The following TUSC3 variants were observed in gnomAD, a reference collection of about 807,000 sequenced individuals.
TUSC3 encodes tumor suppressor candidate 3, also known as dolichyl-diphosphooligosaccharide--protein glycosyltransferase subunit TUSC3.
In TUSC3, 45 loss-of-function variants were observed where a neutral mutation model predicts 44.8. That is an observed-to-expected ratio of 1.00 (90% CI 0.79 to 1.29). TUSC3 has a LOEUF of 1.29. Ranked by LOEUF, TUSC3 falls within the 50% of genes most tolerant of loss-of-function variation. TUSC3 has a pLI of 0.00. For synonymous variants in TUSC3, 212 were observed against 152.9 expected, an observed-to-expected ratio of 1.39 and a Z score of -2.85; for missense variants, 519 against 437.9, an observed-to-expected ratio of 1.19 and a Z score of -1.65.
At chr8:15,581,867 C>T (rs1458578643) in intron 1 of TUSC3, among the ~76,000 whole-genome samples, 4 of 127,200 alleles carry the variant, frequency 3.1e-5, no homozygotes, top group Admixed American at 3.0e-4. Context: ...TTCCCGTTTA[C>T]CTAATCAAGC....
chr8:15,670,458 T>C (rs987113222), intron 5 of TUSC3, among the ~76,000 whole-genome samples: 4 of 151,846 alleles, frequency 2.6e-5, no homozygotes, highest in African/African-American at 9.7e-5. Context: ...GTATGGCATT[T>C]TTGATAAATA....
At chr8:15,748,892 G>A (rs1192776491) in intron 9 of TUSC3, 6 of 383,274 alleles carry the variant, frequency 1.6e-5, no homozygotes, top group Non-Finnish European at 2.5e-5. Context: ...CAACATGAAA[G>A]GGAAAAGTTA....
intron 6 of TUSC3, among the ~76,000 whole-genome samples, chr8:15,679,288 A>G (rs1808313921): frequency 6.6e-6 from 1 of 151,852 alleles, no homozygotes; most frequent in Non-Finnish European, 1.5e-5. Context: ...ACTTTTCTGT[A>G]ATAGCCGTTC....
chr8:15,638,584 C>T (rs981438737), intron 2 of TUSC3, among the ~76,000 whole-genome samples: 4 of 128,012 alleles, frequency 3.1e-5, no homozygotes, highest in African/African-American at 1.2e-4. Context: ...AGTGCAGTGG[C>T]ATGATCTCTG....
At chr8:15,497,738 CT>C (rs57896247) in intron 2 of TUSC3, among the ~76,000 whole-genome samples, 102,663 of 149,554 alleles carry the variant, frequency 0.69, 38,180 homozygotes, top group Non-Finnish European at 0.82. Flanking sequence ...GTTTCTTCTT[CT>C]TTTTTTTTTC....
At chr8:15,808,069 C>T in the TUSC3 span, among the ~76,000 whole-genome samples, 1 of 152,062 alleles carries the variant, frequency 6.6e-6, no homozygotes, top group African/African-American at 2.4e-5. Flanking sequence ...TTTAAAGCAT[C>T]CTACATATAC....
intron 3 of TUSC3, among the ~76,000 whole-genome samples, chr8:15,657,195 C>G (rs1807213674): frequency 6.6e-6 from 1 of 152,190 alleles, no homozygotes; most frequent in Non-Finnish European, 1.5e-5. Context: ...CTCTCCTGAA[C>G]ATGTTTTTTA....
rs111312956 is a variant in TUSC3 at position 15,716,240 on chromosome 8, A to C, written c.799-14426A>C. On this transcript the variant is annotated intron_variant, in intron 6 of 10. Coordinates refer to ENST00000503731, the MANE Select transcript of TUSC3 (RefSeq NM_006765.4). ...CACTGCACTCCAGCCTGGGCGACAG[A>C]GTGAGACTCTTTCTCCAGAAGAAAA... 3.5e-4 allele frequency among the ~76,000 whole-genome samples: 53 copies of C among 152,230 alleles called. No homozygotes were observed. In the East Asian group the frequency reaches 3.9e-3, roughly 11 times the overall value.
chr8:15,423,894 G>C (rs1799769085), intron 1 of TUSC3, among the ~76,000 whole-genome samples: 1 of 150,384 alleles, frequency 6.6e-6, no homozygotes, highest in African/African-American at 2.4e-5. Flanking sequence ...CCCCTGTTGT[G>C]TGGGGCTTAT....
At chr8:15,535,435 C>G (rs1801507878), upstream of TUSC3, among the ~76,000 whole-genome samples, 1 of 152,156 alleles carries the variant, frequency 6.6e-6, no homozygotes, top group Admixed American at 6.5e-5. Flanking sequence ...ACTCATTCAA[C>G]AAGTGCTGTA....
chr8:15,453,891 C>T (rs55989819), intron 1 of TUSC3, among the ~76,000 whole-genome samples: 17,887 of 152,076 alleles, frequency 0.12, 1,147 homozygotes, highest in Middle Eastern at 0.19. Flanking sequence ...GATAGAAACA[C>T]CTGAAACTGG....
intron 5 of TUSC3, among the ~76,000 whole-genome samples, chr8:15,672,210 T>TGG (rs1563165110): frequency 6.6e-6 from 1 of 152,022 alleles, no homozygotes; most frequent in East Asian, 1.9e-4. Context: ...GAGCAAATTG[T>TGG]GGGGGGATTT....
At chr8:15,613,261 G>A (rs141460477) in intron 1 of TUSC3, among the ~76,000 whole-genome samples, 1 of 151,274 alleles carries the variant, frequency 6.6e-6, no homozygotes, top group Non-Finnish European at 1.5e-5. Flanking sequence ...ATTTAGCACA[G>A]TGCTTTTCTT....
rs116798504 is a variant in TUSC3 at position 15,625,681 on chromosome 8, G to C, written c.308+2432G>C. Among the ~76,000 whole-genome samples, 124 of 152,306 alleles carry C rather than the reference G, an allele frequency of 8.1e-4. 1 individual carries two copies. Among genetic ancestry groups the C allele is most frequent in the African/African-American group, 2.8e-3 (117 of 41,570 alleles). On this transcript the variant is annotated intron_variant, in intron 2 of 10. Coordinates refer to ENST00000503731, the MANE Select transcript of TUSC3 (RefSeq NM_006765.4). Reference sequence around the variant, plus strand: ...ATTTTGAGCTGTAGTGGAGACTGAAGTTATTAGTAACTTGGGTCAATGTAA... The same window carrying C: ...ATTTTGAGCTGTAGTGGAGACTGAACTTATTAGTAACTTGGGTCAATGTAA...
intron 6 of TUSC3, among the ~76,000 whole-genome samples, chr8:15,683,098 A>G (rs1262864280): frequency 1.3e-5 from 2 of 152,128 alleles, no homozygotes; most frequent in Middle Eastern, 3.4e-3. Context: ...TTTTGCGTTG[A>G]CCTTGGAAAG....
At chr8:15,473,615 C>T (rs759381309) in intron 1 of TUSC3, among the ~76,000 whole-genome samples, 16 of 152,050 alleles carry the variant, frequency 1.1e-4, no homozygotes, top group African/African-American at 1.4e-4. Context: ...GCTGGGACTC[C>T]GGGGGTGACA....
chr8:15,757,824 G>C lies in TUSC3; in HGVS notation c.*15G>C. On this transcript the variant is annotated 3_prime_UTR_variant, in exon 10 of 11. Transcript: ENST00000503731. ...ACTTTGAGTGAGAAGATGTGATTTG[G>C]ACCATGGCACTTAAAAACTCTATAA... The C allele has an allele frequency of 7.2e-7, 1 of 1,396,924 alleles. No individual in the cohort carries two copies. The highest frequency in any genetic ancestry group is 1.0e-6 in the Non-Finnish European group (1 of 982,102). The allele number at this position is 1,396,924 out of a possible 1,614,324, so 86.5% of individuals were successfully genotyped here.
intron 1 of TUSC3, among the ~76,000 whole-genome samples, chr8:15,464,960 T>C (rs892314495): frequency 1.3e-4 from 20 of 152,082 alleles, no homozygotes; most frequent in African/African-American, 4.8e-4. Context: ...AGCGATTCTC[T>C]TGCCTCAGCC....
intron 4 of TUSC3, among the ~76,000 whole-genome samples, chr8:15,660,789 G>C: frequency 6.6e-6 from 1 of 151,090 alleles, no homozygotes; most frequent in South Asian, 2.1e-4. Flanking sequence ...AAGACATTAA[G>C]AGTAATATTG....
Sources: gnomAD v4.1 joint callset for allele counts (sites outside exome capture counted in the v4.1 genomes callset) on GRCh38, gnomAD v4.1.1 for gene constraint, MANE v1.5 for transcripts, NCBI Gene and HGNC (gene_info 2026-07-23, HGNC 2026-07-21) for gene names.